The following ADAMTS17 variants were observed in gnomAD, a reference collection of about 807,000 sequenced individuals.
ADAMTS17 encodes ADAM metallopeptidase with thrombospondin type 1 motif 17.
In ADAMTS17, 113 loss-of-function variants were observed where a neutral mutation model predicts 141.5. That is an observed-to-expected ratio of 0.80 (90% confidence interval 0.69 to 0.93). The LOEUF (loss-of-function observed/expected upper bound fraction) is 0.93, where lower values mean the gene tolerates loss of function less well. Ranked by LOEUF, ADAMTS17 falls within the 40% of genes least tolerant of loss-of-function variation. The pLI is 0.00. For missense variants in ADAMTS17, 1,659 were observed against 1,517.9 expected (o/e 1.09, Z -1.54); for synonymous variants, 768 against 630.6 (o/e 1.22, Z -3.27).
At chr15:100,002,953 G>A (rs550156426) in intron 18 of ADAMTS17, among the ~76,000 whole-genome samples, 4 of 152,150 alleles carry the variant, frequency 2.6e-5, no homozygotes, top group East Asian at 3.9e-4. Context: ...TGCAGCCCAC[G>A]GGTGCCGCCC....
At chr15:99,977,871 A>C (rs1392076967) in intron 20 of ADAMTS17, among the ~76,000 whole-genome samples, 1 of 152,134 alleles carries the variant, frequency 6.6e-6, no homozygotes, top group African/African-American at 2.4e-5. Context: ...TCCCAGGAAG[A>C]CAGCCAGGTC....
intron 3 of ADAMTS17, among the ~76,000 whole-genome samples, chr15:100,297,896 G>A (rs74037450): frequency 0.073 from 11,054 of 152,124 alleles, 717 homozygotes; most frequent in East Asian, 0.24. Flanking sequence ...GCCAAGCTAC[G>A]ACAAGAGCAG....
At position 100,310,476 on chromosome 15, in the gene ADAMTS17, C is replaced by T. The variant is rs367798701; in HGVS notation, c.616+20413G>A. On this transcript the variant is annotated intron_variant, in intron 3 of 21. Coordinates refer to ENST00000268070, the MANE Select transcript of ADAMTS17 (RefSeq NM_139057.4). ...AAGCACTGGCTTCCTAAGAAATCCACGGGACCCCAACCTATAAGCTGTGTC... is the reference window on the plus strand; with the variant it reads ...AAGCACTGGCTTCCTAAGAAATCCATGGGACCCCAACCTATAAGCTGTGTC... 8.8e-4 allele frequency among the ~76,000 whole-genome samples: 134 copies of T among 152,330 alleles called. 4 individuals are homozygous for T. In the South Asian group the frequency reaches 0.025, roughly 28 times the overall value.
chr15:100,341,838 C>T lies in ADAMTS17; in HGVS notation c.62G>A (p.Gly21Glu), dbSNP rs752271863. 1 of 1,552,530 alleles carries T rather than the reference C, an allele frequency of 6.4e-7. No individual in the cohort carries two copies. The highest frequency in any genetic ancestry group is 8.7e-7 in the Non-Finnish European group (1 of 1,147,948). Residue 21 changes from glycine to glutamate, a missense_variant, in exon 1 of 22, where the codon GGA (glycine) becomes GAA (glutamate). Transcript: ENST00000268070. ...VLPVLLLLVW[G>E]LDPGTAVGDA... ...GGCGCTACCTGTGCCCGGGTCCAGT[C>T]CCCAAACCAGCAGCAGCAGCACGGG...
At position 100,218,633 on chromosome 15, in the gene ADAMTS17, G is replaced by A. The variant is rs557336232; in HGVS notation, c.1076-19210C>T. Among the ~76,000 whole-genome samples, 53 of 152,270 alleles carry A rather than the reference G, an allele frequency of 3.5e-4. No homozygotes were observed. In the South Asian group the frequency reaches 9.3e-3, roughly 27 times the overall value. On this transcript the variant is annotated intron_variant, in intron 7 of 21. Transcript: ENST00000268070. ...TACACTGCTGACAGGAATGTAAAAC[G>A]GTGTAGACACTCCCCATAGGAAAAG...
intron 7 of ADAMTS17, among the ~76,000 whole-genome samples, chr15:100,251,912 A>C (rs555365439): frequency 6.6e-6 from 1 of 152,346 alleles, no homozygotes; most frequent in South Asian, 2.1e-4. Context: ...AGAGGCCCTC[A>C]GGAGAGGCAA....
chr15:100,278,990 G>C (rs2044195265), intron 4 of ADAMTS17, among the ~76,000 whole-genome samples: 1 of 152,068 alleles, frequency 6.6e-6, no homozygotes, highest in Admixed American at 6.6e-5. Flanking sequence ...CTTTGTCCAG[G>C]CCACCACATG....
intron 15 of ADAMTS17, among the ~76,000 whole-genome samples, chr15:100,074,703 C>A (rs572309123): frequency 2.0e-5 from 3 of 152,014 alleles, no homozygotes; most frequent in African/African-American, 7.2e-5. Context: ...TTGTTGGATT[C>A]GGTTTTGGTA....
At chr15:100,197,467 C>CT (rs1449193708) in intron 8 of ADAMTS17, among the ~76,000 whole-genome samples, 2 of 152,100 alleles carry the variant, frequency 1.3e-5, no homozygotes, top group Non-Finnish European at 2.9e-5. Flanking sequence ...CTGATTTATG[C>CT]TTTTTTTCCC....
chr15:100,175,444 G>A (rs768390662), intron 8 of ADAMTS17, among the ~76,000 whole-genome samples: 5 of 152,064 alleles, frequency 3.3e-5, no homozygotes, highest in Non-Finnish European at 7.4e-5. Context: ...TACAAACGTC[G>A]TATGCCCCCC....
intron 8 of ADAMTS17, among the ~76,000 whole-genome samples, chr15:100,185,347 ATG>A (rs1339991350): frequency 1.3e-5 from 2 of 152,160 alleles, no homozygotes; most frequent in Non-Finnish European, 2.9e-5. Flanking sequence ...CAGGGTACAC[ATG>A]TGTTTTAAGT....
At chr15:100,186,248 A>T (rs1332784402) in intron 8 of ADAMTS17, among the ~76,000 whole-genome samples, 1 of 152,222 alleles carries the variant, frequency 6.6e-6, no homozygotes, top group Non-Finnish European at 1.5e-5. Context: ...GTTAAATGCC[A>T]TCTGGAAAGC....
intron 11 of ADAMTS17, among the ~76,000 whole-genome samples, chr15:100,132,565 C>G (rs887686359): frequency 2.0e-5 from 3 of 152,258 alleles, no homozygotes; most frequent in Admixed American, 2.0e-4. Context: ...ACAGCCAGCT[C>G]CACGTGAGGG....
chr15:99,998,035 T>A (rs148771776), intron 18 of ADAMTS17, among the ~76,000 whole-genome samples: 1 of 152,286 alleles, frequency 6.6e-6, no homozygotes, highest in African/African-American at 2.4e-5. Context: ...GTACAGGGAA[T>A]GTCCCTACAG....
intron 3 of ADAMTS17, among the ~76,000 whole-genome samples, chr15:100,284,595 G>T (rs2044387148): frequency 6.6e-6 from 1 of 152,162 alleles, no homozygotes; most frequent in Non-Finnish European, 1.5e-5. Flanking sequence ...AGCACTGAGG[G>T]GTGGGAGGCT....
chr15:100,068,643 G>T (rs994357632), intron 15 of ADAMTS17, among the ~76,000 whole-genome samples: 8 of 152,210 alleles, frequency 5.3e-5, no homozygotes, highest in Non-Finnish European at 1.2e-4. Context: ...GGCCAACAGG[G>T]TCTGGAGTGG....
chr15:100,169,247 A>G (rs1355799172), intron 8 of ADAMTS17, among the ~76,000 whole-genome samples: 2 of 151,938 alleles, frequency 1.3e-5, no homozygotes, highest in Non-Finnish European at 2.9e-5. Flanking sequence ...CATGCCAGGT[A>G]TGACGCTAAG....
At chr15:100,133,923 C>T (rs1012390812) in intron 10 of ADAMTS17, among the ~76,000 whole-genome samples, 1 of 152,180 alleles carries the variant, frequency 6.6e-6, no homozygotes, top group Non-Finnish European at 1.5e-5. Flanking sequence ...ATTTTACCTA[C>T]AGAACTTCCA....
intron 3 of ADAMTS17, among the ~76,000 whole-genome samples, chr15:100,285,298 G>C (rs2044410878): frequency 6.6e-6 from 1 of 152,210 alleles, no homozygotes. Context: ...CTAGACGTTT[G>C]GGGACTGCCA....
Sources: allele counts gnomAD v4.1 joint callset (sites outside exome capture counted in the v4.1 genomes callset), GRCh38; gene constraint gnomAD v4.1.1; transcripts MANE v1.5; gene names NCBI Gene and HGNC (gene_info 2026-07-23, HGNC 2026-07-21).